Variants in HPGDS observed in about 807,000 individuals in gnomAD.
The protein encoded by HPGDS is hematopoietic prostaglandin D synthase, also known as GST class-sigma.
In HPGDS, 26 loss-of-function variants were observed where a neutral mutation model predicts 23.1. The ratio of observed to expected loss-of-function variants is 1.13; its 90% CI spans 0.83 to 1.56. The LOEUF (loss-of-function observed/expected upper bound fraction) is 1.56, where lower values mean the gene tolerates loss of function less well. Among genes scored for constraint, HPGDS ranks in the 40% most tolerant of loss-of-function variants. The pLI is 0.00. For missense variants in HPGDS, 268 were observed against 236.4 expected, an observed-to-expected ratio of 1.13 and a Z score of -0.88; for synonymous variants, 95 against 77.9, an observed-to-expected ratio of 1.22 and a Z score of -1.16.
At chr4:94,303,236 A>G (rs907181320) in intron 4 of HPGDS, among the ~76,000 whole-genome samples, 2 of 152,154 alleles carry the variant, frequency 1.3e-5, no homozygotes, top group African/African-American at 4.8e-5. Context: ...GCATCCTTAC[A>G]TACAGGTTGA....
intron 4 of HPGDS, among the ~76,000 whole-genome samples, chr4:94,306,922 C>A (rs1045070488): frequency 6.6e-6 from 1 of 151,774 alleles, no homozygotes; most frequent in Non-Finnish European, 1.5e-5. Context: ...GACATGGGTC[C>A]CAGATTGAAC....
chr4:94,307,071 G>A (rs180748301), intron 4 of HPGDS, among the ~76,000 whole-genome samples: 1 of 152,140 alleles, frequency 6.6e-6, no homozygotes, highest in African/African-American at 2.4e-5. Flanking sequence ...CAAAAGGTCA[G>A]TAATTACATT....
chr4:94,315,584 G>T (rs371564078), intron 3 of HPGDS, among the ~76,000 whole-genome samples: 1 of 151,904 alleles, frequency 6.6e-6, no homozygotes, highest in Admixed American at 6.6e-5. Context: ...AAATGCTCCC[G>T]TGTAGAAGCT....
At chr4:94,307,607 C>T (rs769391352) in intron 4 of HPGDS, among the ~76,000 whole-genome samples, 1 of 152,102 alleles carries the variant, frequency 6.6e-6, no homozygotes, top group Non-Finnish European at 1.5e-5. Context: ...CCAATGATGA[C>T]AGCTGTGCAG....
chr4:94,312,493 G>A (rs975093803), intron 3 of HPGDS, among the ~76,000 whole-genome samples: 4 of 152,182 alleles, frequency 2.6e-5, no homozygotes, highest in South Asian at 2.1e-4. Flanking sequence ...ATTGCACTGT[G>A]GTCTGAGAGA....
chr4:94,317,557 A>G (rs1413382753), intron 3 of HPGDS, among the ~76,000 whole-genome samples: 1 of 152,202 alleles, frequency 6.6e-6, no homozygotes, highest in Non-Finnish European at 1.5e-5. Context: ...CTAATAACTT[A>G]CCATATGCAA....
intron 1 of HPGDS, among the ~76,000 whole-genome samples, chr4:94,338,843 T>C (rs1159251867): frequency 6.6e-6 from 1 of 152,130 alleles, no homozygotes. Flanking sequence ...ATATTTAAAC[T>C]TCGAGAGATT....
At chr4:94,310,393 T>G (rs1166500107) in intron 3 of HPGDS, among the ~76,000 whole-genome samples, 9 of 152,200 alleles carry the variant, frequency 5.9e-5, no homozygotes, top group Admixed American at 3.9e-4. Flanking sequence ...AGGGAATCCT[T>G]TCCCCATTTC....
chr4:94,316,030 C>G (rs1036095925), intron 3 of HPGDS, among the ~76,000 whole-genome samples: 1 of 152,164 alleles, frequency 6.6e-6, no homozygotes, highest in Admixed American at 6.5e-5. Context: ...CAAACCAGCT[C>G]TCCTTTTTTT....
chr4:94,338,195 G>A (rs1184197663), intron 1 of HPGDS, among the ~76,000 whole-genome samples: 5 of 152,084 alleles, frequency 3.3e-5, no homozygotes, highest in Admixed American at 6.5e-5. Flanking sequence ...AGGCCGAGGC[G>A]GGCAGATCAC....
chr4:94,331,654 G>T (rs561303431), intron 2 of HPGDS, among the ~76,000 whole-genome samples: 4 of 152,200 alleles, frequency 2.6e-5, no homozygotes, highest in African/African-American at 9.6e-5. Flanking sequence ...TAGAGCAGGG[G>T]AAAGGTGCTA....
At chr4:94,324,593 T>C (rs1407753049) in intron 2 of HPGDS, among the ~76,000 whole-genome samples, 1 of 152,194 alleles carries the variant, frequency 6.6e-6, no homozygotes. Context: ...TCTCATCCCA[T>C]GGTTTTCAGC....
intron 3 of HPGDS, among the ~76,000 whole-genome samples, chr4:94,315,934 C>A (rs986471098): frequency 6.6e-6 from 1 of 152,134 alleles, no homozygotes; most frequent in South Asian, 2.1e-4. Context: ...ATTTTTTCAG[C>A]CTCCTTTTGG....
In HPGDS at chr4:94,308,758, G is replaced by T; in HGVS notation, c.227-15C>A. ...TCCAGCCAAATCTGTGGAATAGAGA[G>T]AGGCCCATCAATATGTTTAATTTAC... On this transcript the variant is annotated splice_polypyrimidine_tract_variant and intron_variant, in intron 3 of 5. Transcript: ENST00000295256. 7.5e-7 allele frequency: 1 copy of T among 1,338,598 alleles called. No individual in the cohort carries two copies. 82.9% of individuals were successfully genotyped at this position (1,338,598 alleles called of 1,614,324 possible). A position where few individuals can be genotyped will look rare whatever the true frequency, so the allele number is the denominator to read the frequency against.
intron 5 of HPGDS, among the ~76,000 whole-genome samples, chr4:94,301,028 A>G (rs939353552): frequency 3.3e-5 from 5 of 152,188 alleles, no homozygotes; most frequent in Non-Finnish European, 4.4e-5. Context: ...AAATTCTTAG[A>G]AATTTTTCAA....
chr4:94,341,577 A>G (rs570582430), intron 1 of HPGDS, among the ~76,000 whole-genome samples: 1 of 152,368 alleles, frequency 6.6e-6, no homozygotes, highest in East Asian at 1.9e-4. Flanking sequence ...ACAAAATGTT[A>G]GCCAACGTAA....
Position 94,317,953 on chromosome 4 carries a change from C to G in HPGDS, c.146G>C (p.Gly49Ala). The change falls in exon 3 of 6, where the codon GGA (glycine) becomes GCA (alanine). Residue 49 changes from glycine to alanine, a missense_variant. Physicochemically the swap from Gly to Ala is moderately conservative, Grantham distance 60. Coordinates refer to ENST00000295256, the MANE Select transcript of HPGDS (RefSeq NM_014485.3). ...WPEIKSTLPF[G>A]KIPILEVDGL... ...ATCAACTTCCAAAATGGGGATTTTT[C>G]CAAATGGGAGAGCTTAAAATGAAAT... 2.5e-6 allele frequency: 4 copies of G among 1,605,012 alleles called. No homozygotes were observed. The South Asian group carries it at 3.3e-5, about 13-fold the overall frequency.
chr4:94,301,409 GTTTA>G (rs1756038333), intron 5 of HPGDS, among the ~76,000 whole-genome samples: 1 of 152,122 alleles, frequency 6.6e-6, no homozygotes, highest in Non-Finnish European at 1.5e-5. Flanking sequence ...AGTGGTGATA[GTTTA>G]TTTCAGTCTT....
At chr4:94,322,927 G>A (rs190426501) in intron 2 of HPGDS, among the ~76,000 whole-genome samples, 17 of 152,298 alleles carry the variant, frequency 1.1e-4, no homozygotes, top group African/African-American at 3.1e-4. Context: ...TGTACACACT[G>A]CTTTAAATGT....
Sources: gnomAD v4.1 joint callset for allele counts (sites outside exome capture counted in the v4.1 genomes callset) on GRCh38, gnomAD v4.1.1 for gene constraint, MANE v1.5 for transcripts, NCBI Gene and HGNC (gene_info 2026-07-23, HGNC 2026-07-21) for gene names.